ZMYND11: variants seen among roughly 807,000 people sequenced by gnomAD.
ZMYND11 encodes zinc finger MYND-type containing 11.
Under a neutral mutation model 84.9 loss-of-function variants are expected in ZMYND11, and 9 were observed. That is an observed-to-expected ratio of 0.11 (90% CI 0.06 to 0.18). The LOEUF is 0.18. Ranked by LOEUF, ZMYND11 falls within the 10% of genes least tolerant of loss-of-function variation. ZMYND11 has a pLI of 1.00. For synonymous variants in ZMYND11, 250 were observed against 244.1 expected (o/e 1.02, Z -0.23); for missense variants, 409 against 761.0 (o/e 0.54, Z 5.44).
chr10:186,369 G>A (rs1430194512), intron 2 of ZMYND11, among the ~76,000 whole-genome samples: 3 of 151,710 alleles, frequency 2.0e-5, no homozygotes, highest in Non-Finnish European at 4.4e-5. Flanking sequence ...CCGGCCGGGC[G>A]CCATGGCTCA....
rs538995475 is a variant in ZMYND11, at chr10:207,750, C to A, written c.117-2139C>A. 3.0e-3 allele frequency among the ~76,000 whole-genome samples: 456 copies of A among 152,206 alleles called. No individual in the cohort carries two copies. In the Middle Eastern group the frequency reaches 0.031, roughly 10 times the overall value. ...GGTAATTTATAGATTCAATGCCATCCCCATCAAGCTACCAATGACTTTCTT... is the reference window on the plus strand; with the variant it reads ...GGTAATTTATAGATTCAATGCCATCACCATCAAGCTACCAATGACTTTCTT... On this transcript the variant is annotated intron_variant, in intron 2 of 14. Transcript: ENST00000381604.
chr10:192,709 G>A (rs925435440), intron 2 of ZMYND11, among the ~76,000 whole-genome samples: 19 of 152,202 alleles, frequency 1.2e-4, no homozygotes, highest in African/African-American at 4.1e-4. Flanking sequence ...ATTTTCCTGC[G>A]TATCTGCATT....
chr10:236,746 C>G (rs1950047066), intron 4 of ZMYND11, 92 bp from the exon 5 acceptor site: 1 of 1,064,692 alleles, frequency 9.4e-7, no homozygotes. Context: ...TCTTTGCATA[C>G]TATCTAAGTG....
chr10:189,891 C>A (rs540479398), intron 2 of ZMYND11, among the ~76,000 whole-genome samples: 201 of 152,052 alleles, frequency 1.3e-3, no homozygotes, highest in Non-Finnish European at 2.5e-3. Flanking sequence ...GTGAAGGGTA[C>A]AGAAATAGTC....
chr10:241,034 G>C (rs988570370), intron 9 of ZMYND11, 64 bp downstream of exon 9: 36 of 1,308,198 alleles, frequency 2.8e-5, no homozygotes, highest in Non-Finnish European at 3.7e-5. Flanking sequence ...TTCCAGTTTG[G>C]TTAAAGATTA....
At chr10:239,403 ACT>A in intron 6 of ZMYND11, 33 bp from the exon 7 acceptor site, 1 of 1,564,258 alleles carries the variant, frequency 6.4e-7, no homozygotes, top group Non-Finnish European at 8.8e-7. Flanking sequence ...TTTACTGGTA[ACT>A]CTTTTCGTCA....
intron 1 of ZMYND11, among the ~76,000 whole-genome samples, chr10:172,081 A>C (rs954458315): frequency 3.3e-5 from 5 of 152,212 alleles, no homozygotes; most frequent in African/African-American, 1.2e-4. Context: ...TGGAATGGCC[A>C]GGCACGTCTC....
chr10:191,661 GT>G (rs1940433424), intron 2 of ZMYND11, among the ~76,000 whole-genome samples: 1 of 152,186 alleles, frequency 6.6e-6, no homozygotes. Context: ...GAAATATTTT[GT>G]TTTATTTCTA....
upstream of ZMYND11, among the ~76,000 whole-genome samples, chr10:132,128 G>T (rs112418461): frequency 2.6e-5 from 4 of 151,958 alleles, no homozygotes; most frequent in African/African-American, 9.7e-5. Flanking sequence ...ACTGTTATCA[G>T]AAGTCAGAAA....
At chr10:179,894 A>T (rs1304608816) in intron 1 of ZMYND11, 100 bp from the exon 2 acceptor site, 1 of 623,670 alleles carries the variant, frequency 1.6e-6, no homozygotes, top group Non-Finnish European at 2.7e-6. Context: ...CATACTAAGT[A>T]TAATCAATAG....
At chr10:241,058 A>T in intron 9 of ZMYND11, 88 bp downstream of exon 9, 4 of 1,020,570 alleles carry the variant, frequency 3.9e-6, no homozygotes, top group Non-Finnish European at 5.8e-6. Flanking sequence ...TTTTCTTCCT[A>T]AATTTTTAAA....
At chr10:215,237 C>T (rs546663268) in intron 3 of ZMYND11, among the ~76,000 whole-genome samples, 1 of 152,254 alleles carries the variant, frequency 6.6e-6, no homozygotes, top group Non-Finnish European at 1.5e-5. Flanking sequence ...CCTTTACTTA[C>T]CTACCAGGTT....
upstream of ZMYND11, among the ~76,000 whole-genome samples, chr10:131,026 A>G (rs544510499): frequency 6.6e-6 from 1 of 152,210 alleles, no homozygotes; most frequent in East Asian, 1.9e-4. Flanking sequence ...CTGAGGTGGG[A>G]GGATCGCTTG....
intron 10 of ZMYND11, among the ~76,000 whole-genome samples, chr10:243,326 A>G (rs1564453749): frequency 6.6e-6 from 1 of 152,240 alleles, no homozygotes; most frequent in Non-Finnish European, 1.5e-5. Flanking sequence ...AACGGGGGAA[A>G]GTTTGCTTCA....
chr10:233,229 C>T (rs1375879029), intron 4 of ZMYND11, among the ~76,000 whole-genome samples: 2 of 151,894 alleles, frequency 1.3e-5, no homozygotes, highest in East Asian at 3.9e-4. Context: ...AGGTAAAATT[C>T]ACACATACAC....
At chr10:142,489 G>T (rs1588391883) in intron 1 of ZMYND11, among the ~76,000 whole-genome samples, 1 of 152,146 alleles carries the variant, frequency 6.6e-6, no homozygotes, top group African/African-American at 2.4e-5. Context: ...ATGTGTCATT[G>T]TAACAATTTA....
At chr10:156,459 A>T (rs909803733) in intron 1 of ZMYND11, among the ~76,000 whole-genome samples, 2 of 152,180 alleles carry the variant, frequency 1.3e-5, no homozygotes, top group South Asian at 2.1e-4. Flanking sequence ...GATAAATCAA[A>T]CCTTACTGTA....
chr10:153,212 A>G (rs1216033246), intron 1 of ZMYND11, among the ~76,000 whole-genome samples: 3 of 152,236 alleles, frequency 2.0e-5, no homozygotes, highest in East Asian at 1.9e-4. Context: ...TATACAACCT[A>G]CAAATTATGA....
rs1180572986 is a variant in ZMYND11, at chr10:206,176, A to G, written c.117-3713A>G. On this transcript the variant is annotated intron_variant, in intron 2 of 14. Coordinates refer to ENST00000381604, the MANE Select transcript of ZMYND11 (RefSeq NM_001370100.5). ...CGACTTCAAGACTAGCCTGACCAAC[A>G]TGGTGAAACCCCATCTCTACTAAAA... Among the ~76,000 whole-genome samples, 6 of 152,204 alleles carry G rather than the reference A, an allele frequency of 3.9e-5. No homozygotes were observed. The East Asian group carries it at 1.2e-3, about 29-fold the overall frequency.
Sources: gnomAD v4.1 joint callset for allele counts (sites outside exome capture counted in the v4.1 genomes callset) on GRCh38, gnomAD v4.1.1 for gene constraint, MANE v1.5 for transcripts, NCBI Gene and HGNC (gene_info 2026-07-23, HGNC 2026-07-21) for gene names.